PYGL: variants seen among roughly 807,000 people sequenced by gnomAD.
The protein encoded by PYGL is glycogen phosphorylase L.
A neutral mutation model predicts 100.1 loss-of-function variants in PYGL; 90 were observed. That is an observed-to-expected ratio of 0.90 (90% CI 0.76 to 1.07). The LOEUF (loss-of-function observed/expected upper bound fraction) is 1.07, where lower values mean the gene tolerates loss of function less well. PYGL is among the 50% of genes least tolerant of loss of function. The pLI, the probability that PYGL is intolerant of heterozygous loss-of-function variation, is 0.00. For missense variants in PYGL, 1,016 were observed against 1,057.6 expected, an observed-to-expected ratio of 0.96 and a Z score of 0.55; for synonymous variants, 373 against 393.0, an observed-to-expected ratio of 0.95 and a Z score of 0.60.
Position 50,916,966 on chromosome 14 carries a change from T to G in PYGL, c.995A>C (p.Asp332Ala). The change falls in exon 8 of 20, where the codon GAT becomes GCT. Residue 332 changes from aspartate (D) to alanine (A), a missense_variant. Physicochemically the swap from Asp to Ala is moderately radical, Grantham distance 126. Coordinates refer to ENST00000216392, the MANE Select transcript of PYGL (RefSeq NM_002863.5). ...ATCCACAGACTAAATACTTGCCTGA[T>G]CCGGGAAGGCATCAAACACAGTTCC... ...GAGTVFDAFP[D>A]QVAIQLNDTH... The G allele has an allele frequency of 6.2e-7, 1 of 1,614,178 alleles. No individual in the cohort carries two copies. The highest frequency in any genetic ancestry group is 1.1e-5 in the South Asian group (1 of 91,082).
intron 10 of PYGL, 123 bp from the exon 11 acceptor site, chr14:50,915,622 G>T (rs1223861478): frequency 3.5e-6 from 5 of 1,441,584 alleles, no homozygotes; most frequent in Admixed American, 1.9e-5. Context: ...ACCACAGGGA[G>T]GGGTTGAGTT....
rs775693579 is a variant in PYGL at position 50,912,312 on chromosome 14, A to G, written c.1621-9T>C. 1.2e-6 allele frequency: 2 copies of G among 1,613,706 alleles called. No individual in the cohort carries two copies. The highest frequency in any genetic ancestry group is 1.1e-5 in the South Asian group (1 of 91,078). On this transcript the variant is annotated splice_polypyrimidine_tract_variant and intron_variant, in intron 13 of 19. Transcript: ENST00000216392. ...AACTTCAGCTTATTCTCCTGTTAAG[A>G]CAGTGCATGGTGCCAGAGCTCTTTT...
Position 50,905,493 on chromosome 14 carries a change from C to T in PYGL, c.2443G>A (p.Asp815Asn), listed in dbSNP as rs2050323906. 1.9e-6 allele frequency: 3 copies of T among 1,613,902 alleles called. No individual in the cohort carries two copies. Among genetic ancestry groups the T allele is most frequent in the Non-Finnish European group, 1.7e-6 (2 of 1,179,828 alleles). ...NIAASGKFSSDRTIKEYAQNI... is the reference protein window; with the variant it reads ...NIAASGKFSSNRTIKEYAQNI... ...TGGGCATATTCTTTAATTGTTCGGT[C>T]ACTGGAGAATTTCCCCGAGGCAGCT... The change falls in exon 20 of 20, where the codon GAC becomes AAC. Residue 815 changes from aspartate to asparagine, a missense_variant. By Grantham distance (23) the Asp-to-Asn change is conservative. Transcript: ENST00000216392.
chr14:50,911,047 A>C (rs2050391455), intron 16 of PYGL, among the ~76,000 whole-genome samples: 1 of 152,234 alleles, frequency 6.6e-6, no homozygotes, highest in Non-Finnish European at 1.5e-5. Context: ...GGACCTAAAA[A>C]CACCACAAAA....
intron 2 of PYGL, among the ~76,000 whole-genome samples, chr14:50,936,574 C>T (rs2050654617): frequency 6.6e-6 from 1 of 152,144 alleles, no homozygotes; most frequent in South Asian, 2.1e-4. Flanking sequence ...TTTGGGAGGC[C>T]AAGGTGGGTG....
chr14:50,913,663 T>C (rs374544702), intron 12 of PYGL, among the ~76,000 whole-genome samples: 48 of 152,222 alleles, frequency 3.2e-4, no homozygotes, highest in South Asian at 1.9e-3. Context: ...TGTGAGCCAC[T>C]GCACCCGGCC....
chr14:50,912,472 T>C, intron 13 of PYGL, 169 bp from the exon 14 acceptor site: 1 of 811,364 alleles, frequency 1.2e-6, no homozygotes, highest in Non-Finnish European at 2.0e-6. Context: ...GATTATCCTA[T>C]CAGGGATTAC....
chr14:50,934,941 A>G lies in PYGL; in HGVS notation c.424+166T>C, dbSNP rs367723824. 7.9e-5 allele frequency among the ~76,000 whole-genome samples: 12 copies of G among 152,320 alleles called. No homozygotes were observed. In the East Asian group the frequency reaches 1.7e-3, roughly 22 times the overall value. Reference sequence around the variant, plus strand: ...TTCCCATCTCTACTATTTGTCTAGAATTGATCAAACCAAAGTGCAAACTCA... The same window carrying G: ...TTCCCATCTCTACTATTTGTCTAGAGTTGATCAAACCAAAGTGCAAACTCA... On this transcript the variant is annotated intron_variant, in intron 3 of 19. Transcript: ENST00000216392.
At position 50,905,385 on chromosome 14, in the gene PYGL, C is replaced by G. The variant is rs1042266; in HGVS notation, c.*7G>C. On this transcript the variant is annotated 3_prime_UTR_variant, in exon 20 of 20. Coordinates refer to ENST00000216392, the MANE Select transcript of PYGL (RefSeq NM_002863.5). ...GAAGCTATGTTTTCTAGAGACAATT[C>G]TAGAGTTCAATTTCCATTGACTTTG... The G allele has an allele frequency of 0.21, 331,789 of 1,604,808 alleles. 39,393 individuals carry two copies. The highest frequency in any genetic ancestry group is 0.45 in the East Asian group (20,089 of 44,784).
intron 3 of PYGL, among the ~76,000 whole-genome samples, chr14:50,932,553 T>G (rs1416524135): frequency 1.3e-5 from 2 of 152,254 alleles, no homozygotes; most frequent in African/African-American, 4.8e-5. Flanking sequence ...ATACTCCTGC[T>G]GCTGAATAAA....
intron 3 of PYGL, among the ~76,000 whole-genome samples, chr14:50,934,770 C>T (rs2050637846): frequency 6.6e-6 from 1 of 152,010 alleles, no homozygotes; most frequent in Admixed American, 6.6e-5. Flanking sequence ...CTATGACCCC[C>T]TATAGGGAGG....
Position 50,944,372 on chromosome 14 carries a change from C to A in PYGL, c.32G>T (p.Arg11Leu), listed in dbSNP as rs746068032. MAKPLTDQEKRRQISIRGIVG... is the reference protein window; with the variant it reads MAKPLTDQEKLRQISIRGIVG... ...GATGCCGCGGATGCTGATCTGCCGC[C>A]GCTTCTCCTGGTCCGTCAGGGGCTT... Residue 11 changes from arginine (R) to leucine (L), a missense_variant, in exon 1 of 20, where the codon CGG becomes CTG. Coordinates refer to ENST00000216392, the MANE Select transcript of PYGL (RefSeq NM_002863.5). The A allele has an allele frequency of 1.2e-6, 2 of 1,613,378 alleles. No homozygotes were observed. The highest frequency in any genetic ancestry group is 1.7e-6 in the Non-Finnish European group (2 of 1,179,780).
chr14:50,935,713 G>A (rs909241575), intron 2 of PYGL, among the ~76,000 whole-genome samples: 3 of 152,114 alleles, frequency 2.0e-5, no homozygotes, highest in Admixed American at 6.5e-5. Flanking sequence ...TGACCGAAAG[G>A]TCTCAGGGTC....
intron 5 of PYGL, among the ~76,000 whole-genome samples, chr14:50,922,165 C>T (rs1247987366): frequency 5.3e-5 from 8 of 152,154 alleles, no homozygotes; most frequent in Admixed American, 4.6e-4. Flanking sequence ...AATAATTGAA[C>T]TGGAGGATGC....
chr14:50,920,231 C>T (rs2050487927), intron 7 of PYGL, among the ~76,000 whole-genome samples: 1 of 152,142 alleles, frequency 6.6e-6, no homozygotes, highest in African/African-American at 2.4e-5. Context: ...GGAAAGGAGG[C>T]AGTGCTTCAC....
At chr14:50,907,460 C>T (rs1370834569) in intron 19 of PYGL, among the ~76,000 whole-genome samples, 2 of 152,176 alleles carry the variant, frequency 1.3e-5, no homozygotes, top group Non-Finnish European at 2.9e-5. Context: ...AAGAATCTCT[C>T]AGTGCGGGGG....
chr14:50,905,233 A>G lies in PYGL; in HGVS notation c.*159T>C. ...GCACTCATGTAGCCCTTGGAAATTG[A>G]CACTTTATTTTTAAGCTCTATTACA... On this transcript the variant is annotated 3_prime_UTR_variant, in exon 20 of 20. Transcript: ENST00000216392. 2 of 746,824 alleles carry G rather than the reference A, an allele frequency of 2.7e-6. No individual in the cohort carries two copies. Among genetic ancestry groups the G allele is most frequent in the Non-Finnish European group, 4.3e-6 (2 of 463,082 alleles). 46.3% of individuals were successfully genotyped at this position (746,824 alleles called of 1,614,324 possible). A position where few individuals can be genotyped will look rare whatever the true frequency, so the allele number is the denominator to read the frequency against.
At chr14:50,921,160 TC>T in intron 5 of PYGL, 93 bp from the exon 6 acceptor site, 3 of 1,001,076 alleles carry the variant, frequency 3.0e-6, no homozygotes, top group Non-Finnish European at 4.7e-6. Flanking sequence ...GGAATTCTAT[TC>T]CTGGCTCCAT....
At chr14:50,928,273 T>C (rs3783274) in intron 4 of PYGL, among the ~76,000 whole-genome samples, 37,130 of 152,082 alleles carry the variant, frequency 0.24, 4,947 homozygotes, top group East Asian at 0.45. Context: ...TGAACAGTCA[T>C]CAGGAGAGCC....
Sources: allele counts gnomAD v4.1 joint callset (sites outside exome capture counted in the v4.1 genomes callset), GRCh38; gene constraint gnomAD v4.1.1; transcripts MANE v1.5; gene names NCBI Gene and HGNC (gene_info 2026-07-23, HGNC 2026-07-21).